The following TNRC18 variants were observed in gnomAD, a reference collection of about 807,000 sequenced individuals.
The protein encoded by TNRC18 is trinucleotide repeat-containing gene 18 protein.
In TNRC18, 69 loss-of-function variants were observed where a neutral mutation model predicts 226.7. The observed-to-expected ratio is 0.30, with a 90% CI of 0.25 to 0.37. TNRC18 has a LOEUF of 0.37. Ranked by LOEUF, TNRC18 falls within the 10% of genes least tolerant of loss-of-function variation. The pLI is 1.00. For synonymous variants in TNRC18, 2,449 were observed against 1,927.6 expected (o/e 1.27, Z -7.09); for missense variants, 4,754 against 4,256.6 (o/e 1.12, Z -3.25).
Position 5,408,629 on chromosome 7 carries a change from G to A in TNRC18, c.187+12431C>T, listed in dbSNP as rs112662863. ...TGCACTCCAGCCTGAGTGACAGAAT[G>A]AGACTCCGTCTCAAAAAACAGAAAG... On this transcript the variant is annotated intron_variant, in intron 2 of 29. Transcript: ENST00000430969. Among the ~76,000 whole-genome samples, 8 of 152,216 alleles carry A rather than the reference G, an allele frequency of 5.3e-5. 1 individual carries two copies. Among genetic ancestry groups the A allele is most frequent in the African/African-American group, 1.4e-4 (6 of 41,544 alleles).
chr7:5,374,691 C>G (rs1365115347), intron 9 of TNRC18, among the ~76,000 whole-genome samples: 2 of 152,186 alleles, frequency 1.3e-5, no homozygotes, highest in Non-Finnish European at 2.9e-5. Flanking sequence ...ACGCAGAACC[C>G]CAAAAGGCAG....
At position 5,376,160 on chromosome 7, in the gene TNRC18, G is replaced by T. The variant is rs865905831; in HGVS notation, c.2673C>A (p.Ser891Arg). The change falls in exon 9 of 30, where the codon AGC (serine) becomes AGA (arginine). Residue 891 changes from serine to arginine, a missense_variant. Transcript: ENST00000430969. ...LWPALYPPGR[S>R]PLHHAQQLQL... is the part of the protein sequence containing the mutation. ...GCAGCTGCTGGGCGTGGTGCAGGGGGCTGCGGCCCGGCGGGTACAGGGCGG... is the reference window on the plus strand; with the variant it reads ...GCAGCTGCTGGGCGTGGTGCAGGGGTCTGCGGCCCGGCGGGTACAGGGCGG... 3.8e-6 allele frequency: 6 copies of T among 1,579,342 alleles called. No homozygotes were observed. In the Admixed American group the frequency reaches 7.3e-5, roughly 19 times the overall value.
rs1160888741 is a variant in TNRC18, at chr7:5,307,275, T to TTATC, written c.*827_*830dup. 2 of 149,416 alleles carry TTATC rather than the reference T, an allele frequency of 1.3e-5. No individual in the cohort carries two copies. Among genetic ancestry groups the TTATC allele is most frequent in the African/African-American group, 2.4e-5 (1 of 41,020 alleles). 9.3% of individuals were successfully genotyped at this position (149,416 alleles called of 1,614,324 possible). On this transcript the variant is annotated 3_prime_UTR_variant, in exon 30 of 30. Transcript: ENST00000430969. Reference sequence around the variant, plus strand: ...AGTTTATATATATATTTATATATATTTATCTTTATATATATAATTAAAAAG... The same window carrying TTATC: ...AGTTTATATATATATTTATATATATTTATCTATCTTTATATATATAATTAAAAAG...
chr7:5,420,673 A>C (rs1266965373), intron 2 of TNRC18: 1 of 483,042 alleles, frequency 2.1e-6, no homozygotes, highest in Non-Finnish European at 4.1e-6. Context: ...TGCCAAGAAA[A>C]AGATTCGAGC....
At chr7:5,367,512 C>T (rs1007194002) in intron 11 of TNRC18, among the ~76,000 whole-genome samples, 9 of 151,264 alleles carry the variant, frequency 5.9e-5, no homozygotes, top group African/African-American at 2.2e-4. Flanking sequence ...ACTGCAACCT[C>T]CGCCTCCCAG....
chr7:5,342,788 T>C (rs1790811364), intron 18 of TNRC18, among the ~76,000 whole-genome samples: 1 of 152,214 alleles, frequency 6.6e-6, no homozygotes, highest in Non-Finnish European at 1.5e-5. Flanking sequence ...AGAAGTTCTA[T>C]AGGTAAAACG....
At position 5,313,422 on chromosome 7, in the gene TNRC18, C is replaced by T. The variant is rs773040091; in HGVS notation, c.7469G>A (p.Gly2490Glu). The T allele has an allele frequency of 3.7e-5, 60 of 1,605,702 alleles. No individual in the cohort carries two copies. Among genetic ancestry groups the T allele is most frequent in the Non-Finnish European group, 5.1e-5 (60 of 1,176,918 alleles). The change falls in exon 27 of 30, where the codon GGG (glycine) becomes GAG (glutamate). Residue 2490 changes from glycine to glutamate, a missense_variant. Physicochemically the swap from Gly to Glu is moderately conservative, Grantham distance 98. Transcript: ENST00000430969. Reference protein sequence around the residue: ...ALLLREDPGAGGWQEPKSLLS... With the variant: ...ALLLREDPGAEGWQEPKSLLS... ...GAGGCTCTTGGGCTCCTGCCAGCCC[C>T]CCGCCCCCGGATCCTCCCGGAGCAG...
chr7:5,336,310 C>T (rs1258581606), intron 18 of TNRC18, among the ~76,000 whole-genome samples: 1 of 151,838 alleles, frequency 6.6e-6, no homozygotes, highest in African/African-American at 2.4e-5. Flanking sequence ...TGAGATGAAC[C>T]ACATGTTGGA....
intron 5 of TNRC18, 113 bp from the exon 6 acceptor site, chr7:5,378,137 C>T: frequency 1.3e-6 from 1 of 764,650 alleles, no homozygotes; most frequent in South Asian, 1.7e-5. Context: ...GACGGTCCTG[C>T]ACAGCCATCC....
chr7:5,392,222 G>C (rs1249612389), intron 3 of TNRC18, among the ~76,000 whole-genome samples: 2 of 152,186 alleles, frequency 1.3e-5, no homozygotes, highest in East Asian at 1.9e-4. Context: ...CCAGCATTTT[G>C]GGAGGCCGAG....
rs553672885 is a variant in TNRC18, at chr7:5,356,290, A to T, written c.5194+626T>A. 3.9e-4 allele frequency among the ~76,000 whole-genome samples: 59 copies of T among 152,014 alleles called. 1 individual carries two copies. In the Middle Eastern group the frequency reaches 0.017, roughly 44 times the overall value. On this transcript the variant is annotated intron_variant, in intron 16 of 29. Coordinates refer to ENST00000430969, the MANE Select transcript of TNRC18 (RefSeq NM_001080495.3). ...GAGTCGCCTCTCCGCACCCGAGCGC[A>T]CACACTCCCCTCTGGCTCTCGGGCC...
In TNRC18 at chr7:5,370,942, C is replaced by G. The variant is rs750782062; in HGVS notation, c.3652G>C (p.Glu1218Gln). ...GGCCCCTCCACAAAGTCTGGACACT[C>G]AGAGGGCTCTGCGCAGCTCTGCCCG... ...ATGQSCAEPS[E>Q]CPDFVEGPEP... is the part of the protein sequence containing the mutation. Residue 1218 changes from glutamate (E) to glutamine (Q), a missense_variant, in exon 11 of 30, where the codon GAG (glutamate) becomes CAG (glutamine). Glu to Gln is a conservative substitution (Grantham distance 29). Transcript: ENST00000430969. The G allele has an allele frequency of 9.3e-6, 15 of 1,605,232 alleles. No homozygotes were observed. In the South Asian group the frequency reaches 1.6e-4, roughly 18 times the overall value.
chr7:5,333,765 C>G (rs1182833873), intron 18 of TNRC18, among the ~76,000 whole-genome samples: 1 of 152,204 alleles, frequency 6.6e-6, no homozygotes, highest in Non-Finnish European at 1.5e-5. Flanking sequence ...CTCCCCCGAC[C>G]TCTCCTTGGA....
intron 2 of TNRC18, among the ~76,000 whole-genome samples, chr7:5,395,889 C>T (rs1054723425): frequency 2.0e-5 from 3 of 151,754 alleles, no homozygotes; most frequent in Non-Finnish European, 4.4e-5. Context: ...CCCAGCTACA[C>T]GGGAGGCTGA....
chr7:5,334,178 G>A (rs1165068654), intron 18 of TNRC18, among the ~76,000 whole-genome samples: 1 of 152,214 alleles, frequency 6.6e-6, no homozygotes, highest in Non-Finnish European at 1.5e-5. Context: ...ACCCCGGGGG[G>A]CAGCCGTGAG....
At chr7:5,391,661 AG>A (rs1780308041) in intron 3 of TNRC18, among the ~76,000 whole-genome samples, 1 of 146,406 alleles carries the variant, frequency 6.8e-6, no homozygotes, top group Non-Finnish European at 1.5e-5. Context: ...TGCAGGACAA[AG>A]AAAGAAGGGG....
chr7:5,346,499 AAAAAT>A (rs954621759), intron 17 of TNRC18, among the ~76,000 whole-genome samples: 5 of 152,318 alleles, frequency 3.3e-5, no homozygotes, highest in South Asian at 2.1e-4. Context: ...TCAGTCTCAA[AAAAAT>A]AAAATAAAAT....
chr7:5,346,914 C>A (rs950469939), intron 17 of TNRC18, among the ~76,000 whole-genome samples: 1 of 152,232 alleles, frequency 6.6e-6, no homozygotes, highest in African/African-American at 2.4e-5. Context: ...GTCCCCATGC[C>A]CAGGGAGCTA....
At chr7:5,365,643 G>A (rs1456025282) in intron 11 of TNRC18, among the ~76,000 whole-genome samples, 1 of 151,878 alleles carries the variant, frequency 6.6e-6, no homozygotes, top group Non-Finnish European at 1.5e-5. Flanking sequence ...TAATGCACAT[G>A]GGGTCTCGCC....
Sources: gnomAD v4.1 joint callset for allele counts (sites outside exome capture counted in the v4.1 genomes callset) on GRCh38, gnomAD v4.1.1 for gene constraint, MANE v1.5 for transcripts, NCBI Gene and HGNC (gene_info 2026-07-23, HGNC 2026-07-21) for gene names.